RAPGEF2: variants seen among roughly 807,000 people sequenced by gnomAD.
The protein encoded by RAPGEF2 is Rap guanine nucleotide exchange factor 2.
RAPGEF2 carries 54 observed loss-of-function variants against 186.7 expected under a neutral mutation model. The ratio of observed to expected loss-of-function variants is 0.29; its 90% CI spans 0.23 to 0.36. The LOEUF (loss-of-function observed/expected upper bound fraction) is 0.36, where lower values mean the gene tolerates loss of function less well. Among genes scored for constraint, RAPGEF2 ranks in the 10% least tolerant of loss-of-function variants. RAPGEF2 has a pLI of 1.00. For synonymous variants in RAPGEF2, 712 were observed against 705.9 expected, an observed-to-expected ratio of 1.01 and a Z score of -0.14; for missense variants, 1,532 against 2,045.0, an observed-to-expected ratio of 0.75 and a Z score of 4.84.
At chr4:159,291,445 G>A (rs926365067) in intron 7 of RAPGEF2, among the ~76,000 whole-genome samples, 1 of 152,074 alleles carries the variant, frequency 6.6e-6, no homozygotes, top group Non-Finnish European at 1.5e-5. Flanking sequence ...ACAGACGTGT[G>A]TCATCACACC....
chr4:159,114,319 G>A (rs1451272315), intron 1 of RAPGEF2, among the ~76,000 whole-genome samples: 2 of 151,994 alleles, frequency 1.3e-5, no homozygotes, highest in African/African-American at 4.8e-5. Flanking sequence ...GGTCAGGCTG[G>A]TCTCGAACTC....
chr4:159,211,603 G>A (rs1750538890), intron 4 of RAPGEF2, among the ~76,000 whole-genome samples: 1 of 152,212 alleles, frequency 6.6e-6, no homozygotes, highest in African/African-American at 2.4e-5. Context: ...GTCAGAGTCT[G>A]AAACAAGGAG....
In RAPGEF2 at chr4:159,343,526, G is replaced by A; in HGVS notation, c.3254+122G>A. ...TTGTAGTACGGCAGAAATTATAGTA[G>A]GATGTGCTGAGAATCACCTGTGAGC... On this transcript the variant is annotated intron_variant, in intron 22 of 29. Coordinates refer to ENST00000691494, the MANE Select transcript of RAPGEF2 (RefSeq NM_001394067.2). The A allele has an allele frequency of 3.1e-6, 4 of 1,292,422 alleles. No individual in the cohort carries two copies. In the South Asian group the frequency reaches 5.8e-5, roughly 19 times the overall value. The allele number at this position is 1,292,422 out of a possible 1,614,324, so 80.1% of individuals were successfully genotyped here. A position where few individuals can be genotyped will look rare whatever the true frequency, so the allele number is the denominator to read the frequency against.
intron 7 of RAPGEF2, among the ~76,000 whole-genome samples, chr4:159,285,431 A>G (rs1760326779): frequency 6.6e-6 from 1 of 152,242 alleles, no homozygotes; most frequent in Non-Finnish European, 1.5e-5. Context: ...TAAAATTGAA[A>G]GCATTAAAGA....
chr4:159,186,443 C>T (rs1579405466), intron 1 of RAPGEF2, among the ~76,000 whole-genome samples, 199 bp from the exon 2 acceptor site: 2 of 152,094 alleles, frequency 1.3e-5, no homozygotes, highest in African/African-American at 4.8e-5. Flanking sequence ...AGGTTTAGTG[C>T]ATATCCCAGA....
At chr4:159,214,789 TAG>T (rs1750847711) in intron 4 of RAPGEF2, among the ~76,000 whole-genome samples, 1 of 152,188 alleles carries the variant, frequency 6.6e-6, no homozygotes, top group African/African-American at 2.4e-5. Flanking sequence ...CTCATTGAGT[TAG>T]AGTCTTTTTC....
chr4:159,178,551 C>CTTTTTTTTTTT (rs71589215), intron 1 of RAPGEF2, among the ~76,000 whole-genome samples: 18 of 75,472 alleles, frequency 2.4e-4, no homozygotes, highest in Admixed American at 3.7e-4. Context: ...ATGTATTATG[C>CTTTTTTTTTTT]TTTTTTTTTT....
rs77677686 is a variant in RAPGEF2, at chr4:159,342,066, A to T, written c.2918+119A>T. 2,708 of 1,015,614 alleles carry T rather than the reference A, an allele frequency of 2.7e-3. 42 individuals carry two copies. The African/African-American group carries it at 0.038, about 14-fold the overall frequency. The allele number at this position is 1,015,614 out of a possible 1,614,324, so 62.9% of individuals were successfully genotyped here. A position where few individuals can be genotyped will look rare whatever the true frequency, so the allele number is the denominator to read the frequency against. On this transcript the variant is annotated intron_variant, in intron 20 of 29. Coordinates refer to ENST00000691494, the MANE Select transcript of RAPGEF2 (RefSeq NM_001394067.2). Reference sequence around the variant, plus strand: ...ATAGGTTTTAATTGACTCATAAGAGACAATTCTTTTTCTCTGAATCCTAAC... The same window carrying T: ...ATAGGTTTTAATTGACTCATAAGAGTCAATTCTTTTTCTCTGAATCCTAAC...
At chr4:159,123,948 C>A (rs143795419) in intron 1 of RAPGEF2, among the ~76,000 whole-genome samples, 1 of 151,930 alleles carries the variant, frequency 6.6e-6, no homozygotes, top group Admixed American at 6.6e-5. Context: ...CTCTGCCTCC[C>A]GGGTTCAAGC....
chr4:159,240,331 C>CTTTTTTTTTTTTTTTTTTTTTTTT (rs370477370), intron 5 of RAPGEF2, among the ~76,000 whole-genome samples: 1 of 77,608 alleles, frequency 1.3e-5, no homozygotes, highest in African/African-American at 5.4e-5. Context: ...AGCATTTCTA[C>CTTTTTTTTTTTTTTTTTTTTTTTT]TTTTTTTTTT....
chr4:159,208,730 A>G (rs1750206944), intron 3 of RAPGEF2, among the ~76,000 whole-genome samples: 1 of 152,190 alleles, frequency 6.6e-6, no homozygotes. Flanking sequence ...AATTTGATGC[A>G]ATTGACTATG....
intron 1 of RAPGEF2, among the ~76,000 whole-genome samples, chr4:159,133,556 C>T (rs180979818): frequency 3.9e-4 from 57 of 148,008 alleles, no homozygotes; most frequent in African/African-American, 1.0e-3. Flanking sequence ...GGATTACGGG[C>T]GCCTGCCACC....
intron 3 of RAPGEF2, among the ~76,000 whole-genome samples, chr4:159,200,674 C>CG (rs1749306276): frequency 6.6e-6 from 1 of 152,106 alleles, no homozygotes; most frequent in Non-Finnish European, 1.5e-5. Flanking sequence ...ATCTTACTGA[C>CG]TTTTCCTGTT....
chr4:159,248,120 G>T (rs746514673), intron 7 of RAPGEF2, among the ~76,000 whole-genome samples: 2 of 152,100 alleles, frequency 1.3e-5, no homozygotes, highest in Non-Finnish European at 2.9e-5. Context: ...AATTTCTGAT[G>T]ATTTGCTTTG....
At chr4:159,186,025 G>A (rs1747518492) in intron 1 of RAPGEF2, among the ~76,000 whole-genome samples, 2 of 151,750 alleles carry the variant, frequency 1.3e-5, no homozygotes, top group South Asian at 4.1e-4. Flanking sequence ...AATATAAACA[G>A]GACTTTGAAT....
At chr4:159,148,432 C>T (rs1743172350) in intron 1 of RAPGEF2, among the ~76,000 whole-genome samples, 1 of 152,050 alleles carries the variant, frequency 6.6e-6, no homozygotes, top group South Asian at 2.1e-4. Flanking sequence ...TGTTATGATT[C>T]CTTAATAAAG....
chr4:159,273,698 CT>C lies in RAPGEF2; in HGVS notation c.543+29910del, dbSNP rs1201489225. 7.4e-5 allele frequency among the ~76,000 whole-genome samples: 8 copies of C among 107,494 alleles called. No individual in the cohort carries two copies. In the East Asian group the frequency reaches 2.0e-3, roughly 28 times the overall value. 70.5% of individuals were successfully genotyped at this position (107,494 alleles called of 152,430 possible). A position where few individuals can be genotyped will look rare whatever the true frequency, so the allele number is the denominator to read the frequency against. ...TCTTTCTTTCTTTCTTTCTTTCTTT[CT>C]TTCTCAATTTAAATATTATATAAAA... On this transcript the variant is annotated intron_variant, in intron 7 of 29. Coordinates refer to ENST00000691494, the MANE Select transcript of RAPGEF2 (RefSeq NM_001394067.2).
At chr4:159,330,082 T>C (rs1193829822) in intron 12 of RAPGEF2, 72 bp downstream of exon 12, 1 of 1,481,572 alleles carries the variant, frequency 6.7e-7, no homozygotes, top group Non-Finnish European at 9.1e-7. Context: ...CAGTTTAGGA[T>C]TTTTTTTCAT....
chr4:159,119,964 A>AT (rs1212893399), intron 1 of RAPGEF2, among the ~76,000 whole-genome samples: 6 of 152,008 alleles, frequency 3.9e-5, no homozygotes, highest in Non-Finnish European at 5.9e-5. Flanking sequence ...ATACTTTGTC[A>AT]TTTTTTTAGG....
Sources: allele counts gnomAD v4.1 joint callset (sites outside exome capture counted in the v4.1 genomes callset), GRCh38; gene constraint gnomAD v4.1.1; transcripts MANE v1.5; gene names NCBI Gene and HGNC (gene_info 2026-07-23, HGNC 2026-07-21).